Variants in RGL1 observed in about 807,000 individuals in gnomAD.
RGL1 encodes ral guanine nucleotide dissociation stimulator-like 1.
Under a neutral mutation model 95.2 loss-of-function variants are expected in RGL1, and 24 were observed. That is an observed-to-expected ratio of 0.25 (90% CI 0.18 to 0.35). The LOEUF is 0.35. Ranked by LOEUF, RGL1 falls within the 10% of genes least tolerant of loss-of-function variation. The pLI is 1.00. For missense variants in RGL1, 715 were observed against 936.3 expected (o/e 0.76, Z 3.08); for synonymous variants, 329 against 344.9 (o/e 0.95, Z 0.51).
intron 2 of RGL1, among the ~76,000 whole-genome samples, chr1:183,772,835 C>T (rs1659356099): frequency 1.3e-5 from 2 of 150,810 alleles, no homozygotes; most frequent in African/African-American, 4.9e-5. Context: ...AGGTGAAACC[C>T]CGTCTCTACT....
chr1:183,714,825 C>T (rs897623431), intron 1 of RGL1, among the ~76,000 whole-genome samples: 10 of 152,140 alleles, frequency 6.6e-5, no homozygotes, highest in Non-Finnish European at 1.0e-4. Flanking sequence ...CTTGATGGGT[C>T]GGCATCAGTG....
At chr1:183,801,807 G>A (rs1490141650), upstream of RGL1, among the ~76,000 whole-genome samples, 1 of 152,200 alleles carries the variant, frequency 6.6e-6, no homozygotes, top group Non-Finnish European at 1.5e-5. Flanking sequence ...CACATGGTGA[G>A]AGAGGAGGCA....
intron 1 of RGL1, among the ~76,000 whole-genome samples, chr1:183,741,618 G>T (rs1244680931): frequency 6.6e-6 from 1 of 152,108 alleles, no homozygotes; most frequent in Non-Finnish European, 1.5e-5. Flanking sequence ...CTGTCCTGAG[G>T]CTCTAAGCTT....
chr1:183,690,244 CT>C (rs1653859277), intron 1 of RGL1, among the ~76,000 whole-genome samples: 1 of 152,094 alleles, frequency 6.6e-6, no homozygotes, highest in Non-Finnish European at 1.5e-5. Context: ...TTTAGAGATG[CT>C]TTGAACCCCT....
intron 17 of RGL1, 74 bp from the exon 18 acceptor site, chr1:183,926,031 G>A (rs1572614681): frequency 3.0e-6 from 4 of 1,348,240 alleles, no homozygotes; most frequent in Non-Finnish European, 4.1e-6. Flanking sequence ...TCTGGGCAAG[G>A]TTTACAGCTG....
At chr1:183,830,190 G>A (rs1008139050) in intron 2 of RGL1, among the ~76,000 whole-genome samples, 1 of 152,130 alleles carries the variant, frequency 6.6e-6, no homozygotes, top group Admixed American at 6.5e-5. Flanking sequence ...TTATAAAGTG[G>A]CAATGCGCCT....
chr1:183,701,165 C>T (rs532296574), intron 1 of RGL1, among the ~76,000 whole-genome samples: 70 of 152,250 alleles, frequency 4.6e-4, no homozygotes, highest in African/African-American at 1.4e-3. Flanking sequence ...TCAATTGTTG[C>T]CCTTGAGATC....
At chr1:183,813,764 A>T (rs1435772897) in intron 2 of RGL1, among the ~76,000 whole-genome samples, 1 of 152,174 alleles carries the variant, frequency 6.6e-6, no homozygotes, top group African/African-American at 2.4e-5. Flanking sequence ...CTAGCAGCTG[A>T]CATTGCTGTT....
chr1:183,892,240 C>A, intron 9 of RGL1, 79 bp downstream of exon 9: 1 of 1,009,448 alleles, frequency 9.9e-7, no homozygotes, highest in African/African-American at 1.6e-5. Context: ...TGTGAGGGCT[C>A]CTTAAGTTCC....
At chr1:183,748,496 C>T (rs1657791669) in intron 2 of RGL1, among the ~76,000 whole-genome samples, 1 of 143,184 alleles carries the variant, frequency 7.0e-6, no homozygotes, top group Admixed American at 7.4e-5. Context: ...AGCTCTGCCT[C>T]CTGGGTTCAC....
intron 2 of RGL1, among the ~76,000 whole-genome samples, chr1:183,810,851 T>C (rs756824628): frequency 2.6e-5 from 4 of 152,228 alleles, no homozygotes; most frequent in Non-Finnish European, 5.9e-5. Context: ...GCGTCCCTTC[T>C]GTGTGCTCCA....
At chr1:183,642,536 G>A (rs114345352) in intron 1 of RGL1, among the ~76,000 whole-genome samples, 197 of 152,078 alleles carry the variant, frequency 1.3e-3, no homozygotes, top group African/African-American at 4.7e-3. Flanking sequence ...AGTATCAAAG[G>A]CCTAAATAAA....
At position 183,898,201 on chromosome 1, in the gene RGL1, G is replaced by A. The variant is rs139111770; in HGVS notation, c.1230+304G>A. The stretch of plus-strand genomic sequence containing the variant: ...CTTCCTCCCTCTTGCAGTCTCTTCC[G>A]CCCCCTCCTGCACTTAGAAGCTGCT... On this transcript the variant is annotated intron_variant, in intron 10 of 17. Transcript: ENST00000360851. Among the ~76,000 whole-genome samples, 215 of 152,176 alleles carry A rather than the reference G, an allele frequency of 1.4e-3. 1 individual carries two copies. Among genetic ancestry groups the A allele is most frequent in the Non-Finnish European group, 2.6e-3 (178 of 67,990 alleles).
At chr1:183,656,108 C>CTTTTCT (rs1553266922) in intron 1 of RGL1, among the ~76,000 whole-genome samples, 2 of 100,566 alleles carry the variant, frequency 2.0e-5, no homozygotes, top group African/African-American at 7.8e-5. Context: ...TTTTTCTTTT[C>CTTTTCT]TTTTCTTTTT....
intron 3 of RGL1, among the ~76,000 whole-genome samples, chr1:183,862,096 CTTTG>C (rs1228512226): frequency 6.6e-6 from 1 of 152,056 alleles, no homozygotes; most frequent in Non-Finnish European, 1.5e-5. Flanking sequence ...AATCCCAGCA[CTTTG>C]AGGGGCTAAG....
rs1440571743 is a variant in RGL1 at position 183,849,482 on chromosome 1, AG to A, written c.347+1709del. ...GACATTTAAGTTTTCTCCAGTTTTT[AG>A]TTTTTTTTTTTTTTTTTTTTTTTGT... On this transcript the variant is annotated intron_variant, in intron 3 of 17. Coordinates refer to ENST00000360851, the MANE Select transcript of RGL1 (RefSeq NM_001297671.3). Among the ~76,000 whole-genome samples the A allele has an allele frequency of 3.5e-3, 350 of 99,386 alleles. 23 individuals are homozygous for A. Among genetic ancestry groups the A allele is most frequent in the African/African-American group, 0.012 (305 of 26,340 alleles). The allele number at this position is 99,386 out of a possible 152,430, so 65.2% of individuals were successfully genotyped here. A position where few individuals can be genotyped will look rare whatever the true frequency, so the allele number is the denominator to read the frequency against.
Position 183,734,530 on chromosome 1 carries a change from A to G in RGL1, c.-32-7596A>G, listed in dbSNP as rs80285145. 1.8e-3 allele frequency among the ~76,000 whole-genome samples: 273 copies of G among 152,278 alleles called. 6 individuals carry two copies. The East Asian group carries it at 0.042, about 23-fold the overall frequency. On this transcript the variant is annotated intron_variant, in intron 1 of 18. Transcript: ENST00000304685. ...GTTGCTGTTGTTATTGTTGAGACCT[A>G]AAGGATTGCTATGATCTAAATCAGC... is the stretch of plus-strand genomic sequence containing the variant.
At chr1:183,851,861 T>A (rs73047535) in intron 3 of RGL1, among the ~76,000 whole-genome samples, 4,795 of 152,320 alleles carry the variant, frequency 0.031, 277 homozygotes, top group African/African-American at 0.11. Flanking sequence ...AAATTGGTTG[T>A]TGAGACTTTT....
chr1:183,896,264 T>C (rs538451926), intron 9 of RGL1, among the ~76,000 whole-genome samples: 1 of 152,360 alleles, frequency 6.6e-6, no homozygotes, highest in African/African-American at 2.4e-5. Flanking sequence ...TTGCTCAAGT[T>C]GGACTTGAAC....
Sources: gnomAD v4.1 joint callset for allele counts (sites outside exome capture counted in the v4.1 genomes callset) on GRCh38, gnomAD v4.1.1 for gene constraint, MANE v1.5 for transcripts, NCBI Gene and HGNC (gene_info 2026-07-23, HGNC 2026-07-21) for gene names.